SRSF4: variants seen among roughly 807,000 people sequenced by gnomAD.
SRSF4 encodes the protein serine/arginine-rich splicing factor 4.
Under a neutral mutation model 48.8 loss-of-function variants are expected in SRSF4, and 12 were observed. The ratio of observed to expected loss-of-function variants is 0.25; its 90% confidence interval spans 0.16 to 0.40. The LOEUF is 0.40. Ranked by LOEUF, SRSF4 falls within the 10% of genes least tolerant of loss-of-function variation. The probability of loss-of-function intolerance (pLI) is 1.00; values close to 1 mark genes in which losing one functional copy is unlikely to be tolerated. For missense variants in SRSF4, 466 were observed against 667.1 expected (o/e 0.70, Z 3.32); for synonymous variants, 248 against 232.5 (o/e 1.07, Z -0.61).
chr1:29,181,728 G>A lies in SRSF4; in HGVS notation c.25C>T (p.Leu9=). 6.3e-7 allele frequency: 1 copy of A among 1,593,278 alleles called. No homozygotes were observed. The highest frequency in any genetic ancestry group is 8.5e-7 in the Non-Finnish European group (1 of 1,172,682). The change falls in exon 1 of 6, where the codon CTG becomes TTG. Residue 9 remains leucine, a synonymous_variant. Coordinates refer to ENST00000373795, the MANE Select transcript of SRSF4 (RefSeq NM_005626.5). Reference sequence around the variant, plus strand: ...TCGCGCTCCCGGGCCTGGTAGCTCAGGCGGCCGATGTACACCCGCGGCATC... The same window carrying A: ...TCGCGCTCCCGGGCCTGGTAGCTCAAGCGGCCGATGTACACCCGCGGCATC... MPRVYIGR[L]SYQARERDVE... is the part of the protein sequence containing the mutation.
At chr1:29,168,010 TC>T (rs1483350144) in intron 1 of SRSF4, among the ~76,000 whole-genome samples, 1 of 117,374 alleles carries the variant, frequency 8.5e-6, no homozygotes, top group Admixed American at 1.0e-4. Flanking sequence ...AGGTTCTAAT[TC>T]CTTTTTTTTT....
intron 1 of SRSF4, chr1:29,169,715 T>A (rs2151820884): frequency 6.6e-6 from 1 of 152,306 alleles, no homozygotes; most frequent in Non-Finnish European, 1.5e-5. Flanking sequence ...AATGATGAAC[T>A]AACCAAACTC....
intron 1 of SRSF4, among the ~76,000 whole-genome samples, chr1:29,174,213 A>G (rs12048417): frequency 5.2e-3 from 1 of 194 alleles, no homozygotes; most frequent in African/African-American, 5.6e-3. Context: ...AAGAAAAAAG[A>G]AAAAAAAAAA....
intron 1 of SRSF4, among the ~76,000 whole-genome samples, chr1:29,178,644 C>T (rs1672908259): frequency 6.6e-6 from 1 of 152,278 alleles, no homozygotes; most frequent in African/African-American, 2.4e-5. Context: ...GCCACCGCGC[C>T]CGGCCTCTGA....
At chr1:29,170,546 G>C (rs1231203301) in intron 1 of SRSF4, 2 of 152,128 alleles carry the variant, frequency 1.3e-5, no homozygotes, top group Admixed American at 6.5e-5. Flanking sequence ...CCCTGGGCTG[G>C]AGTCTGTTTC....
chr1:29,179,087 C>CAGGA (rs1672914506), intron 1 of SRSF4, among the ~76,000 whole-genome samples: 1 of 152,180 alleles, frequency 6.6e-6, no homozygotes, highest in East Asian at 1.9e-4. Flanking sequence ...AAGGCTCTTT[C>CAGGA]CTCTTATCGC....
rs571819297 is a variant in SRSF4 at position 29,148,959 on chromosome 1, C to T, written c.936G>A (p.Glu312=). ...SRSQERRVEE[E]KRGSVSRGRS... ...TGCCCCTGCTCACACTCCCTCGCTT[C>T]TCCTCCTCCACTCTCCTCTCCTGAC... Residue 312 remains glutamate, a synonymous_variant, in exon 6 of 6, where the codon GAG becomes GAA. Coordinates refer to ENST00000373795, the MANE Select transcript of SRSF4 (RefSeq NM_005626.5). The T allele has an allele frequency of 4.2e-5, 68 of 1,612,498 alleles. No individual in the cohort carries two copies. In the South Asian group the frequency reaches 7.1e-4, roughly 17 times the overall value.
chr1:29,166,186 T>C (rs1262102332), intron 1 of SRSF4: 1 of 152,186 alleles, frequency 6.6e-6, no homozygotes, highest in African/African-American at 2.4e-5. Context: ...CTGAAAGAAA[T>C]GGCATTCAGT....
chr1:29,173,320 T>C (rs915032554), intron 1 of SRSF4: 7 of 151,562 alleles, frequency 4.6e-5, no homozygotes, highest in African/African-American at 1.4e-4. Context: ...TTTGTATTTT[T>C]TTTTTAGTAG....
intron 1 of SRSF4, among the ~76,000 whole-genome samples, chr1:29,161,845 G>A (rs942577512): frequency 3.9e-5 from 6 of 152,112 alleles, no homozygotes; most frequent in African/African-American, 1.4e-4. Context: ...CGCCCTCCTG[G>A]GCCTCCCAAA....
chr1:29,170,845 T>C (rs1010109204), intron 1 of SRSF4: 2 of 152,150 alleles, frequency 1.3e-5, no homozygotes, highest in African/African-American at 2.4e-5. Flanking sequence ...TCTTTGTTCA[T>C]GAAGGTCCCC....
chr1:29,165,481 T>C (rs187110082), intron 1 of SRSF4, among the ~76,000 whole-genome samples: 62 of 152,352 alleles, frequency 4.1e-4, no homozygotes, highest in African/African-American at 1.4e-3. Flanking sequence ...CCTTGCTAAA[T>C]ATCCTTTCTC....
chr1:29,164,663 A>G (rs1346729798), intron 1 of SRSF4, among the ~76,000 whole-genome samples: 4 of 152,224 alleles, frequency 2.6e-5, no homozygotes, highest in African/African-American at 7.2e-5. Context: ...ACACCTTTCA[A>G]TAATTCATAG....
intron 1 of SRSF4, among the ~76,000 whole-genome samples, chr1:29,174,920 C>T (rs2151825672): frequency 6.6e-6 from 1 of 150,778 alleles, no homozygotes; most frequent in South Asian, 2.1e-4. Context: ...GATCTGCCAG[C>T]CTTGGCCTCC....
intron 1 of SRSF4, among the ~76,000 whole-genome samples, chr1:29,178,213 T>C (rs1212794126): frequency 6.6e-6 from 1 of 152,098 alleles, no homozygotes; most frequent in Non-Finnish European, 1.5e-5. Flanking sequence ...ACAAGCATTT[T>C]ATGCCTTAAT....
chr1:29,171,219 A>T (rs1053711010), intron 1 of SRSF4: 6 of 151,918 alleles, frequency 3.9e-5, no homozygotes, highest in Non-Finnish European at 8.8e-5. Flanking sequence ...ACTAAGGACA[A>T]CATCATAAAA....
chr1:29,175,807 C>T (rs777129437), intron 1 of SRSF4, among the ~76,000 whole-genome samples: 2 of 150,704 alleles, frequency 1.3e-5, no homozygotes, highest in Admixed American at 6.6e-5. Flanking sequence ...TATTCAAACA[C>T]GCTTTTAAAC....
chr1:29,155,002 C>T, intron 3 of SRSF4, 92 bp from the exon 4 acceptor site: 2 of 1,160,006 alleles, frequency 1.7e-6, no homozygotes, highest in East Asian at 2.4e-5. Flanking sequence ...TTAAGAAATG[C>T]CAGCATTCCG....
chr1:29,156,732 G>C (rs1252432862), intron 3 of SRSF4, among the ~76,000 whole-genome samples: 1 of 151,980 alleles, frequency 6.6e-6, no homozygotes, highest in African/African-American at 2.4e-5. Flanking sequence ...GGTGGTAACT[G>C]TTGGGGACCA....
Sources: allele counts gnomAD v4.1 joint callset (sites outside exome capture counted in the v4.1 genomes callset), GRCh38; gene constraint gnomAD v4.1.1; transcripts MANE v1.5; gene names NCBI Gene and HGNC (gene_info 2026-07-23, HGNC 2026-07-21).